Variants in SUCLA2 observed in about 807,000 individuals in gnomAD.
SUCLA2 encodes succinate-CoA ligase ADP-forming subunit beta, also known as succinate--CoA ligase [ADP-forming] subunit beta, mitochondrial.
In SUCLA2, 30 loss-of-function variants were observed where a neutral mutation model predicts 54.8. The ratio of observed to expected loss-of-function variants is 0.55; its 90% CI spans 0.41 to 0.74. The LOEUF is 0.74. Among genes scored for constraint, SUCLA2 ranks in the 30% least tolerant of loss-of-function variants. SUCLA2 has a pLI of 0.00. For synonymous variants in SUCLA2, 172 were observed against 188.9 expected, an observed-to-expected ratio of 0.91 and a Z score of 0.74; for missense variants, 476 against 562.9, an observed-to-expected ratio of 0.85 and a Z score of 1.56.
Position 47,943,072 on chromosome 13 carries a change from G to T in SUCLA2, c.*299C>A. On this transcript the variant is annotated 3_prime_UTR_variant, in exon 11 of 11. Transcript: ENST00000646932. ...TCTTATTTATAGGACTCTTATCAAT[G>T]AAGAACTTTGTATCCAACAATAATA... 1 of 369,418 alleles carries T rather than the reference G, an allele frequency of 2.7e-6. No individual in the cohort carries two copies. The highest frequency in any genetic ancestry group is 8.2e-4 in the Middle Eastern group (1 of 1,214). The allele number at this position is 369,418 out of a possible 1,614,324, so 22.9% of individuals were successfully genotyped here. A position where few individuals can be genotyped will look rare whatever the true frequency, so the allele number is the denominator to read the frequency against.
Position 47,998,309 on chromosome 13 carries a change from A to G in SUCLA2, c.91-1286T>C, listed in dbSNP as rs113141330. On this transcript the variant is annotated intron_variant, in intron 1 of 10. Coordinates refer to ENST00000646932, the MANE Select transcript of SUCLA2 (RefSeq NM_003850.3). ...AAATAAATAAGTTAAAAAAAAAAAA[A>G]AAAAGAAAAAAAAACCCAGCAACCT... Among the ~76,000 whole-genome samples the G allele has an allele frequency of 6.6e-5, 10 of 151,720 alleles. 1 individual carries two copies. The highest frequency in any genetic ancestry group is 2.4e-4 in the African/African-American group (10 of 41,474).
chr13:47,980,895 C>CA, intron 4 of SUCLA2, among the ~76,000 whole-genome samples: 1 of 152,150 alleles, frequency 6.6e-6, no homozygotes. Flanking sequence ...TATCCACATG[C>CA]AAAAGAATGA....
At position 47,942,667 on chromosome 13, in the gene SUCLA2, G is replaced by A. The variant is rs1423213887; in HGVS notation, c.*704C>T. ...GCCATGAACCCAAATCATATTGGGA[G>A]ATTTTTATTAACTTAAATTGACATT... On this transcript the variant is annotated 3_prime_UTR_variant, in exon 11 of 11. Transcript: ENST00000646932. 1 of 152,286 alleles carries A rather than the reference G, an allele frequency of 6.6e-6. No individual in the cohort carries two copies. The highest frequency in any genetic ancestry group is 1.9e-4 in the East Asian group (1 of 5,198). 9.4% of individuals were successfully genotyped at this position (152,286 alleles called of 1,614,324 possible).
chr13:47,945,442 A>AAAAAC (rs71099647), intron 10 of SUCLA2, among the ~76,000 whole-genome samples: 2 of 149,268 alleles, frequency 1.3e-5, no homozygotes, highest in Non-Finnish European at 3.0e-5. Context: ...AAAAAAAAAA[A>AAAAAC]AATCAAGAAT....
chr13:47,993,709 G>A (rs4942734), intron 2 of SUCLA2, among the ~76,000 whole-genome samples: 142,425 of 152,232 alleles, frequency 0.94, 66,655 homozygotes, highest in East Asian at 1. Context: ...GTTCTATTAT[G>A]TCACTTGTTG....
chr13:47,943,040 G>T lies in SUCLA2; in HGVS notation c.*331C>A, dbSNP rs776688171. 1.0e-5 allele frequency: 3 copies of T among 296,068 alleles called. No homozygotes were observed. Among genetic ancestry groups the T allele is most frequent in the African/African-American group, 2.2e-5 (1 of 45,748 alleles). The allele number at this position is 296,068 out of a possible 1,614,324, so 18.3% of individuals were successfully genotyped here. On this transcript the variant is annotated 3_prime_UTR_variant, in exon 11 of 11. Coordinates refer to ENST00000646932, the MANE Select transcript of SUCLA2 (RefSeq NM_003850.3). ...CACTAAAGAATAAAGCTTTATCTTCGTATTTATCTTATTTATAGGACTCTT... is the reference window on the plus strand; with the variant it reads ...CACTAAAGAATAAAGCTTTATCTTCTTATTTATCTTATTTATAGGACTCTT...
chr13:47,993,251 T>C (rs572396679), intron 2 of SUCLA2, among the ~76,000 whole-genome samples: 2 of 152,182 alleles, frequency 1.3e-5, no homozygotes, highest in Non-Finnish European at 2.9e-5. Flanking sequence ...ACAACAAACA[T>C]TCTGCCAAAC....
intron 1 of SUCLA2, chr13:48,000,961 G>T: frequency 7.1e-7 from 1 of 1,410,420 alleles, no homozygotes; most frequent in South Asian, 1.5e-5. Flanking sequence ...GGGCCGCCGG[G>T]GATCCTCGCG....
In SUCLA2 at chr13:47,943,214, C is replaced by A. The variant is rs1441305974; in HGVS notation, c.*157G>T. 3 of 768,568 alleles carry A rather than the reference C, an allele frequency of 3.9e-6. No individual in the cohort carries two copies. Among genetic ancestry groups the A allele is most frequent in the African/African-American group, 3.4e-5 (2 of 58,492 alleles). The allele number at this position is 768,568 out of a possible 1,614,324, so 47.6% of individuals were successfully genotyped here. A position where few individuals can be genotyped will look rare whatever the true frequency, so the allele number is the denominator to read the frequency against. On this transcript the variant is annotated 3_prime_UTR_variant, in exon 11 of 11. Transcript: ENST00000646932. ...TACAAACAGTCCATTCTGAATGGTA[C>A]AATTAAATGCAGTCCAAATCCTTTT...
At chr13:47,943,782 T>TATATATA (rs879679737) in intron 10 of SUCLA2, among the ~76,000 whole-genome samples, 8,809 of 117,984 alleles carry the variant, frequency 0.075, 336 homozygotes, top group Middle Eastern at 0.16. Context: ...ATATATATAT[T>TATATATA]ATTCTAAATT....
intron 2 of SUCLA2, chr13:47,994,743 C>T: frequency 1.3e-6 from 1 of 757,784 alleles, no homozygotes. Context: ...ACAAAAAACA[C>T]ACTTTCTAAA....
intron 10 of SUCLA2, among the ~76,000 whole-genome samples, chr13:47,946,309 T>C (rs1283417036): frequency 6.6e-6 from 1 of 152,178 alleles, no homozygotes; most frequent in Non-Finnish European, 1.5e-5. Context: ...AGGCACCCAC[T>C]AGGGGTCTTG....
chr13:47,977,414 T>C (rs942585124), intron 4 of SUCLA2, among the ~76,000 whole-genome samples: 3 of 151,860 alleles, frequency 2.0e-5, no homozygotes, highest in Admixed American at 2.0e-4. Context: ...GGACGGAAAA[T>C]TTCCATACTC....
chr13:47,946,393 T>C (rs1949731613), intron 10 of SUCLA2, among the ~76,000 whole-genome samples: 2 of 152,072 alleles, frequency 1.3e-5, no homozygotes, highest in African/African-American at 4.8e-5. Context: ...TTAGCTTATG[T>C]TTTTAAGAAG....
chr13:47,993,819 T>C (rs1216319678), intron 2 of SUCLA2, among the ~76,000 whole-genome samples: 1 of 152,054 alleles, frequency 6.6e-6, no homozygotes. Flanking sequence ...GTGGATCACC[T>C]GAGGTCGGGA....
At chr13:47,978,829 AC>A (rs1235739049) in intron 4 of SUCLA2, among the ~76,000 whole-genome samples, 12 of 152,338 alleles carry the variant, frequency 7.9e-5, no homozygotes, top group Admixed American at 5.2e-4. Context: ...CAAGAAAAAA[AC>A]AACCCCATCA....
At chr13:47,974,190 T>C (rs1949990393) in intron 4 of SUCLA2, among the ~76,000 whole-genome samples, 1 of 152,072 alleles carries the variant, frequency 6.6e-6, no homozygotes, top group Non-Finnish European at 1.5e-5. Context: ...ATTAAAAGTA[T>C]TGCTTAAAGC....
intron 6 of SUCLA2, among the ~76,000 whole-genome samples, chr13:47,961,850 T>C (rs1429643231): frequency 6.6e-6 from 1 of 152,224 alleles, no homozygotes; most frequent in East Asian, 1.9e-4. Flanking sequence ...GATATATTGC[T>C]TTTAATCTCC....
At chr13:47,953,970 CT>C (rs1949796667) in intron 8 of SUCLA2, among the ~76,000 whole-genome samples, 169 bp downstream of exon 8, 1 of 151,704 alleles carries the variant, frequency 6.6e-6, no homozygotes, top group African/African-American at 2.4e-5. Flanking sequence ...AGAAGAGTCT[CT>C]TGGTGAATTG....
Sources: allele counts gnomAD v4.1 joint callset (sites outside exome capture counted in the v4.1 genomes callset), GRCh38; gene constraint gnomAD v4.1.1; transcripts MANE v1.5; gene names NCBI Gene and HGNC (gene_info 2026-07-23, HGNC 2026-07-21).